The following KIF4A variants were observed in gnomAD, a reference collection of about 807,000 sequenced individuals.
KIF4A encodes kinesin family member 4A.
A neutral mutation model predicts 105.9 loss-of-function variants in KIF4A; 7 were observed. The ratio of observed to expected loss-of-function variants is 0.07; its 90% CI spans 0.04 to 0.12. The LOEUF (loss-of-function observed/expected upper bound fraction) is 0.12. KIF4A is among the 10% of genes least tolerant of loss of function. KIF4A has a pLI of 1.00. For synonymous variants in KIF4A, 281 were observed against 331.3 expected (o/e 0.85, Z 1.65); for missense variants, 558 against 929.2 (o/e 0.60, Z 5.19).
chrX:70,317,903 A>G (rs1478342983), intron 7 of KIF4A, among the ~76,000 whole-genome samples: 1 of 86,195 alleles, frequency 1.2e-5, no homozygotes, highest in Non-Finnish European at 2.2e-5. Flanking sequence ...TTTGAGATGG[A>G]GTCTCACTCC....
intron 18 of KIF4A, among the ~76,000 whole-genome samples, chrX:70,382,820 A>G (rs2086202567): frequency 9.1e-6 from 1 of 109,636 alleles, no homozygotes; most frequent in Admixed American, 9.8e-5. Flanking sequence ...GTTAATAGCC[A>G]GTCCATAGAT....
chrX:70,384,062 A>G (rs1270265816), intron 18 of KIF4A, among the ~76,000 whole-genome samples: 1 of 112,072 alleles, frequency 8.9e-6, no homozygotes, highest in Non-Finnish European at 1.9e-5. Context: ...TTATATCTCA[A>G]TAAAACTGTT....
chrX:70,338,312 C>G (rs1444553778), intron 10 of KIF4A, among the ~76,000 whole-genome samples: 2 of 112,075 alleles, frequency 1.8e-5, no homozygotes, highest in Non-Finnish European at 3.8e-5. Flanking sequence ...TGCCATCACT[C>G]TCATTCCCAC....
At chrX:70,366,115 C>T (rs2086101960) in intron 15 of KIF4A, among the ~76,000 whole-genome samples, 1 of 111,098 alleles carries the variant, frequency 9.0e-6, no homozygotes, top group Non-Finnish European at 1.9e-5. Flanking sequence ...TTTATTGCGT[C>T]CAGTCTATTT....
In KIF4A at chrX:70,333,629, T is replaced by C; in HGVS notation, c.1073T>C (p.Val358Ala). 2 of 1,197,769 alleles carry C rather than the reference T, an allele frequency of 1.7e-6. No individual in the cohort carries two copies. Among genetic ancestry groups the C allele is most frequent in the Non-Finnish European group, 1.1e-6 (1 of 883,073 alleles). ...TAELNHLKQQ[V>A]QQLQVLLLQA... is the part of the protein sequence containing the mutation. ...ATTATTTTTCTTTGCTTCTCCCAGG[T>C]ACAACAGCTACAAGTCTTGTTGCTA... The change falls in exon 10 of 31, where the codon GTA becomes GCA. Residue 358 changes from valine to alanine, a missense_variant and splice_region_variant. Val to Ala is a moderately conservative substitution (Grantham distance 64). This residue lies in a region of KIF4A where 469 missense variants were observed against 680.4 expected (regional missense o/e 0.69). Transcript: ENST00000374403.
At chrX:70,373,520 G>GTA (rs1405085439) in intron 15 of KIF4A, among the ~76,000 whole-genome samples, 1 of 5,890 alleles carries the variant, frequency 1.7e-4, no homozygotes, top group African/African-American at 1.3e-3. Context: ...ACATGTGTGT[G>GTA]TATGTATATA....
chrX:70,354,148 A>G (rs1451877607), intron 15 of KIF4A, among the ~76,000 whole-genome samples: 1 of 112,879 alleles, frequency 8.9e-6, no homozygotes, highest in Admixed American at 9.3e-5. Context: ...TCTGGGTTAT[A>G]GTATGAATTA....
intron 28 of KIF4A, chrX:70,415,483 T>G: frequency 5.8e-6 from 1 of 171,514 alleles, no homozygotes; most frequent in South Asian, 8.7e-5. Flanking sequence ...TGGCATGTGC[T>G]TGTGGTCTCA....
intron 15 of KIF4A, among the ~76,000 whole-genome samples, chrX:70,371,700 G>T (rs1229773878): frequency 1.8e-5 from 2 of 108,292 alleles, no homozygotes; most frequent in South Asian, 4.2e-4. Flanking sequence ...GCCGGGCGGG[G>T]CCTGACCCCC....
chrX:70,350,047 C>T (rs1358877397), intron 13 of KIF4A, among the ~76,000 whole-genome samples: 113 of 110,732 alleles, frequency 1.0e-3, no homozygotes, highest in African/African-American at 3.8e-3. Flanking sequence ...AGACAATGGG[C>T]GGCCAGGCGG....
At chrX:70,374,518 G>A (rs1231428443) in intron 16 of KIF4A, among the ~76,000 whole-genome samples, 2 of 111,706 alleles carry the variant, frequency 1.8e-5, no homozygotes, top group Non-Finnish European at 3.8e-5. Context: ...GTTCAGAGGC[G>A]AGGAATATCA....
intron 20 of KIF4A, among the ~76,000 whole-genome samples, chrX:70,388,198 C>T (rs1325930474): frequency 9.0e-6 from 1 of 111,455 alleles, no homozygotes; most frequent in Non-Finnish European, 1.9e-5. Context: ...GAGATTCATC[C>T]ATGTGGTTGC....
chrX:70,391,145 C>A (rs1357719822), intron 20 of KIF4A, among the ~76,000 whole-genome samples: 1 of 112,117 alleles, frequency 8.9e-6, no homozygotes, highest in Non-Finnish European at 1.9e-5. Flanking sequence ...ACTACTGGGT[C>A]ATATGATAAG....
chrX:70,366,988 C>G (rs1330713354), intron 15 of KIF4A, among the ~76,000 whole-genome samples: 1 of 111,768 alleles, frequency 8.9e-6, no homozygotes, highest in Non-Finnish European at 1.9e-5. Flanking sequence ...TGAATTGATC[C>G]CTTTACCATT....
chrX:70,355,613 C>T (rs1326648563), intron 15 of KIF4A, among the ~76,000 whole-genome samples: 1 of 111,790 alleles, frequency 8.9e-6, no homozygotes, highest in African/African-American at 3.3e-5. Flanking sequence ...CCTGGTGTCT[C>T]CTGGGCAGTA....
At chrX:70,414,757 G>A (rs1049848189) in intron 28 of KIF4A, among the ~76,000 whole-genome samples, 1 of 111,832 alleles carries the variant, frequency 8.9e-6, no homozygotes, top group Admixed American at 9.5e-5. Flanking sequence ...ATGATTAGAA[G>A]TTATATAGAA....
At chrX:70,347,791 A>C (rs897542397) in intron 13 of KIF4A, among the ~76,000 whole-genome samples, 1 of 100,087 alleles carries the variant, frequency 1.0e-5, no homozygotes, top group African/African-American at 3.7e-5. Flanking sequence ...CTGGCTAACA[A>C]GGTGAAACCC....
intron 26 of KIF4A, 81 bp downstream of exon 26, chrX:70,405,986 T>G: frequency 1.4e-6 from 1 of 740,264 alleles, no homozygotes; most frequent in East Asian, 3.3e-5. Context: ...CAACCCCCAT[T>G]GTGGTGACTT....
intron 7 of KIF4A, among the ~76,000 whole-genome samples, chrX:70,320,210 G>A (rs1416489162): frequency 2.7e-5 from 3 of 111,642 alleles, no homozygotes; most frequent in Admixed American, 1.9e-4. Context: ...TGGTAGAGAT[G>A]CACCCACTTC....
Sources: allele counts gnomAD v4.1 joint callset (sites outside exome capture counted in the v4.1 genomes callset), GRCh38; gene constraint gnomAD v4.1.1; regional missense constraint gnomAD v4.1.1; transcripts MANE v1.5; gene names NCBI Gene and HGNC (gene_info 2026-07-23, HGNC 2026-07-21).